Variants in SMAP1 observed in about 807,000 individuals in gnomAD.
The protein encoded by SMAP1 is small ArfGAP 1.
A neutral mutation model predicts 58.5 loss-of-function variants in SMAP1; 24 were observed. That is an observed-to-expected ratio of 0.41 (90% CI 0.30 to 0.58). The LOEUF is 0.58. Among genes scored for constraint, SMAP1 ranks in the 20% least tolerant of loss-of-function variants. The pLI, the probability that SMAP1 is intolerant of heterozygous loss-of-function variation, is 0.29. For missense variants in SMAP1, 563 were observed against 566.3 expected (o/e 0.99, Z 0.06); for synonymous variants, 216 against 196.6 (o/e 1.10, Z -0.82).
intron 7 of SMAP1, among the ~76,000 whole-genome samples, chr6:70,846,597 G>A (rs537511399): frequency 4.9e-4 from 74 of 152,322 alleles, no homozygotes; most frequent in Non-Finnish European, 7.3e-4. Flanking sequence ...TGACTGACCC[G>A]CTGTGGGTGG....
intron 1 of SMAP1, among the ~76,000 whole-genome samples, chr6:70,725,734 TCTACC>T (rs894982583): frequency 6.6e-6 from 1 of 152,232 alleles, no homozygotes; most frequent in African/African-American, 2.4e-5. Flanking sequence ...GGCAAAATTC[TCTACC>T]CTTTGCAGTT....
intron 3 of SMAP1, 64 bp from the exon 4 acceptor site, chr6:70,773,286 C>A (rs901575447): frequency 1.1e-6 from 1 of 944,594 alleles, no homozygotes; most frequent in South Asian, 1.6e-5. Flanking sequence ...TGTGGAGTGG[C>A]GTGAATAAAG....
intron 7 of SMAP1, among the ~76,000 whole-genome samples, chr6:70,851,055 A>G (rs1223604982): frequency 6.6e-6 from 1 of 152,144 alleles, no homozygotes; most frequent in Non-Finnish European, 1.5e-5. Context: ...TTAATTGTCC[A>G]TAGTACTTGA....
chr6:70,709,129 T>G (rs185902279), intron 1 of SMAP1, among the ~76,000 whole-genome samples: 16 of 152,180 alleles, frequency 1.1e-4, no homozygotes, highest in African/African-American at 3.9e-4. Context: ...TTCATTCTTT[T>G]GCATTAGATA....
At position 70,840,206 on chromosome 6, in the gene SMAP1, C is replaced by G. The variant is rs142040154; in HGVS notation, c.664+3178C>G. On this transcript the variant is annotated intron_variant, in intron 7 of 10. Transcript: ENST00000370455. ...TAGTTCAGTTAACACAGCTATGGAT[C>G]CTTGGGACTCACGGCCTTCTTTATC... Among the ~76,000 whole-genome samples, 106 of 152,270 alleles carry G rather than the reference C, an allele frequency of 7.0e-4. 1 individual carries two copies. The highest frequency in any genetic ancestry group is 3.1e-4 in the Non-Finnish European group (21 of 68,018).
At chr6:70,786,470 A>C (rs972356811) in intron 4 of SMAP1, among the ~76,000 whole-genome samples, 25 of 38,440 alleles carry the variant, frequency 6.5e-4, no homozygotes, top group Non-Finnish European at 9.2e-4. Flanking sequence ...AGGCAGGAGA[A>C]GGAAATAAAG....
At chr6:70,756,582 G>C (rs1022663747) in intron 3 of SMAP1, among the ~76,000 whole-genome samples, 3 of 152,054 alleles carry the variant, frequency 2.0e-5, no homozygotes, top group African/African-American at 4.8e-5. Flanking sequence ...AAGAAGCTTG[G>C]AAGGTATTTT....
intron 7 of SMAP1, among the ~76,000 whole-genome samples, chr6:70,851,418 AC>A (rs1359711708): frequency 6.6e-6 from 1 of 152,170 alleles, no homozygotes; most frequent in Non-Finnish European, 1.5e-5. Context: ...TGTGCAAGAT[AC>A]CCCATTCATT....
intron 1 of SMAP1, among the ~76,000 whole-genome samples, chr6:70,682,022 G>A (rs1033827098): frequency 4.3e-4 from 66 of 152,026 alleles, no homozygotes; most frequent in African/African-American, 1.6e-3. Flanking sequence ...GCTTTTGACA[G>A]GAGAAAAAAG....
rs762917001 is a variant in SMAP1 at position 70,860,892 on chromosome 6, T to C, written c.*558T>C. On this transcript the variant is annotated 3_prime_UTR_variant, in exon 11 of 11. Coordinates refer to ENST00000370455, the MANE Select transcript of SMAP1 (RefSeq NM_001044305.3). ...GTGATTAGTGAAAGGAAGATAAACG[T>C]GGATGTTACTCCAAAACTTCGTTTA... 28 of 390,694 alleles carry C rather than the reference T, an allele frequency of 7.2e-5. No individual in the cohort carries two copies. Among genetic ancestry groups the C allele is most frequent in the Non-Finnish European group, 1.2e-4 (27 of 221,226 alleles). 24.2% of individuals were successfully genotyped at this position (390,694 alleles called of 1,614,324 possible).
At chr6:70,779,404 T>G (rs2149922668) in intron 4 of SMAP1, among the ~76,000 whole-genome samples, 1 of 152,210 alleles carries the variant, frequency 6.6e-6, no homozygotes, top group South Asian at 2.1e-4. Flanking sequence ...TTGGTCCCAG[T>G]GGGTGGGTGA....
At chr6:70,759,689 A>G (rs1329845117) in intron 3 of SMAP1, 4 of 276,854 alleles carry the variant, frequency 1.4e-5, no homozygotes, top group Non-Finnish European at 2.2e-5. Context: ...TGCTAATGAG[A>G]TATTGCATTA....
intron 1 of SMAP1, among the ~76,000 whole-genome samples, chr6:70,676,366 C>T (rs1439605657): frequency 6.6e-6 from 1 of 152,108 alleles, no homozygotes; most frequent in East Asian, 1.9e-4. Flanking sequence ...GCTCTATAAC[C>T]TAGCCTGCTA....
At chr6:70,685,323 A>G (rs1263857438) in intron 1 of SMAP1, among the ~76,000 whole-genome samples, 1 of 150,482 alleles carries the variant, frequency 6.6e-6, no homozygotes, top group Non-Finnish European at 1.5e-5. Flanking sequence ...CTGATTCACT[A>G]GAGTAGACAT....
intron 3 of SMAP1, among the ~76,000 whole-genome samples, chr6:70,766,139 C>T (rs1171976602): frequency 6.6e-6 from 1 of 152,156 alleles, no homozygotes; most frequent in East Asian, 1.9e-4. Context: ...TTAACCCAGT[C>T]TATCATTGTT....
chr6:70,668,656 A>C lies in SMAP1; in HGVS notation c.118+515A>C. 2.6e-6 allele frequency: 4 copies of C among 1,535,924 alleles called. No individual in the cohort carries two copies. The South Asian group carries it at 4.8e-5, about 18-fold the overall frequency. Reference sequence around the variant, plus strand: ...GGAGCCCTACCTGCCTGCCCACCTGACAGCTTTTGTACAAGGCTTTTATCT... The same window carrying C: ...GGAGCCCTACCTGCCTGCCCACCTGCCAGCTTTTGTACAAGGCTTTTATCT... On this transcript the variant is annotated intron_variant, in intron 1 of 10. Transcript: ENST00000370455.
At chr6:70,759,959 A>AGAGCACC (rs1766681435) in intron 3 of SMAP1, 2 of 389,004 alleles carry the variant, frequency 5.1e-6, no homozygotes, top group Admixed American at 5.9e-5. Flanking sequence ...TCGGTGACAT[A>AGAGCACC]GAGCATAATA....
At chr6:70,779,435 T>A (rs1394121166) in intron 4 of SMAP1, among the ~76,000 whole-genome samples, 1 of 152,134 alleles carries the variant, frequency 6.6e-6, no homozygotes, top group East Asian at 1.9e-4. Flanking sequence ...GAATTCTCTC[T>A]GAGATAGTTT....
chr6:70,851,810 C>T (rs1771195376), intron 7 of SMAP1, among the ~76,000 whole-genome samples: 1 of 152,060 alleles, frequency 6.6e-6, no homozygotes, highest in Non-Finnish European at 1.5e-5. Flanking sequence ...TGTCAGAGTC[C>T]CTTTCCCTGT....
Sources: gnomAD v4.1 joint callset for allele counts (sites outside exome capture counted in the v4.1 genomes callset) on GRCh38, gnomAD v4.1.1 for gene constraint, MANE v1.5 for transcripts, NCBI Gene and HGNC (gene_info 2026-07-23, HGNC 2026-07-21) for gene names.